Variants in RNF11 observed in about 807,000 individuals in gnomAD.
RNF11 encodes the protein ring finger protein 11.
RNF11 carries 4 observed loss-of-function variants against 15.8 expected under a neutral mutation model. That is an observed-to-expected ratio of 0.25 (90% confidence interval 0.12 to 0.58). The LOEUF is 0.58. Among genes scored for constraint, RNF11 ranks in the 20% least tolerant of loss-of-function variants. The pLI is 0.91. For missense variants in RNF11, 139 were observed against 194.4 expected, an observed-to-expected ratio of 0.71 and a Z score of 1.70; for synonymous variants, 68 against 72.3, an observed-to-expected ratio of 0.94 and a Z score of 0.30.
chr1:51,261,950 G>A (rs1241139073), intron 1 of RNF11, among the ~76,000 whole-genome samples: 3 of 152,178 alleles, frequency 2.0e-5, no homozygotes, highest in African/African-American at 7.2e-5. Flanking sequence ...CGTCTCTCCG[G>A]TTCAAGCGAT....
rs1458534006 is a variant in RNF11 at position 51,250,201 on chromosome 1, C to T, written c.123+13322C>T. 2.0e-5 allele frequency among the ~76,000 whole-genome samples: 3 copies of T among 152,032 alleles called. No homozygotes were observed. In the East Asian group the frequency reaches 5.8e-4, roughly 29 times the overall value. ...TAATTATATATACTTATGATGTACA[C>T]CATGGTGTTTTAATATATGTATACA... On this transcript the variant is annotated intron_variant, in intron 1 of 2. Coordinates refer to ENST00000242719, the MANE Select transcript of RNF11 (RefSeq NM_014372.5).
intron 1 of RNF11, among the ~76,000 whole-genome samples, chr1:51,262,715 C>CTTT (rs35542254): frequency 1.1e-3 from 95 of 84,084 alleles, no homozygotes; most frequent in African/African-American, 2.0e-3. Flanking sequence ...GCCTGCTAAT[C>CTTT]TTTTTTTTTT....
chr1:51,257,848 C>CTTTTTTTTTTTTTTTTTT (rs201557519), intron 1 of RNF11, among the ~76,000 whole-genome samples: 15 of 84,920 alleles, frequency 1.8e-4, no homozygotes, highest in East Asian at 3.7e-4. Flanking sequence ...CTTTTCTTTT[C>CTTTTTTTTTTTTTTTTTT]TTTTCTTTTT....
At chr1:51,254,183 G>T (rs1006430814) in intron 1 of RNF11, among the ~76,000 whole-genome samples, 63 of 152,272 alleles carry the variant, frequency 4.1e-4, no homozygotes, top group African/African-American at 1.5e-3. Flanking sequence ...ACATTCATGA[G>T]ATAATTCTGT....
In RNF11 at chr1:51,243,638, C is replaced by T. The variant is rs527478613; in HGVS notation, c.123+6759C>T. Among the ~76,000 whole-genome samples the T allele has an allele frequency of 2.0e-4, 30 of 152,188 alleles. 2 individuals carry two copies. In the South Asian group the frequency reaches 6.0e-3, roughly 30 times the overall value. Reference sequence around the variant, plus strand: ...ATTTTTAATAGAAATGGGGTTTCACCATATTGCTCAGGCTGGTGTGCAACT... The same window carrying T: ...ATTTTTAATAGAAATGGGGTTTCACTATATTGCTCAGGCTGGTGTGCAACT... On this transcript the variant is annotated intron_variant, in intron 1 of 2. Coordinates refer to ENST00000242719, the MANE Select transcript of RNF11 (RefSeq NM_014372.5).
At chr1:51,264,299 TATATATATATATATATATACACAC>T (rs1329081396) in intron 1 of RNF11, among the ~76,000 whole-genome samples, 3 of 94,822 alleles carry the variant, frequency 3.2e-5, no homozygotes, top group African/African-American at 1.6e-4. Flanking sequence ...TATATATATA[TATATATATATATATATATACACAC>T]ACACACACAC....
At chr1:51,244,626 G>A (rs550492646) in intron 1 of RNF11, among the ~76,000 whole-genome samples, 11 of 152,164 alleles carry the variant, frequency 7.2e-5, no homozygotes, top group South Asian at 2.1e-4. Context: ...CTCCTGCCTC[G>A]GCCTCCCAAA....
Position 51,236,685 on chromosome 1 carries a change from G to T in RNF11, c.-72G>T, listed in dbSNP as rs370367027. ...CCGACCCCACCTCGCCAACCGAGGC[G>T]GACCGCGGAGTGTGCGAACGACCCC... On this transcript the variant is annotated 5_prime_UTR_variant, in exon 1 of 3. Transcript: ENST00000242719. The T allele has an allele frequency of 1.5e-4, 237 of 1,589,232 alleles. No homozygotes were observed. The East Asian group carries it at 5.0e-3, about 34-fold the overall frequency.
chr1:51,237,472 A>G (rs1314430067), intron 1 of RNF11, among the ~76,000 whole-genome samples: 2 of 148,552 alleles, frequency 1.3e-5, no homozygotes, highest in Admixed American at 6.7e-5. Flanking sequence ...ATGTATATAA[A>G]TTTTAATCCC....
chr1:51,266,104 C>T (rs916498174), intron 1 of RNF11: 1 of 152,242 alleles, frequency 6.6e-6, no homozygotes. Context: ...TGCGTAAGGC[C>T]ACATACATAA....
chr1:51,273,214 T>C lies in RNF11; in HGVS notation c.*1892T>C, dbSNP rs1214106033. The C allele has an allele frequency of 6.6e-6, 1 of 152,336 alleles. No individual in the cohort carries two copies. Among genetic ancestry groups the C allele is most frequent in the East Asian group, 1.9e-4 (1 of 5,196 alleles). The allele number at this position is 152,336 out of a possible 1,614,324, so 9.4% of individuals were successfully genotyped here. A position where few individuals can be genotyped will look rare whatever the true frequency, so the allele number is the denominator to read the frequency against. On this transcript the variant is annotated 3_prime_UTR_variant, in exon 3 of 3. Transcript: ENST00000242719. ...GTATTATAGTCAGACTTTTCTTTTT[T>C]TCTAGATTGTTAAAATTGGCAAATG...
In RNF11 at chr1:51,236,636, T is replaced by C; in HGVS notation, c.-121T>C. The stretch of plus-strand genomic sequence containing the variant: ...GGCACCGTGGGGCGGTGGAGTCGCC[T>C]CCGCCTGATCCCCGGCCTGTCGCCC... On this transcript the variant is annotated 5_prime_UTR_variant, in exon 1 of 3. Coordinates refer to ENST00000242719, the MANE Select transcript of RNF11 (RefSeq NM_014372.5). 1 of 1,390,392 alleles carries C rather than the reference T, an allele frequency of 7.2e-7. No homozygotes were observed. The highest frequency in any genetic ancestry group is 1.3e-5 in the South Asian group (1 of 76,346). The allele number at this position is 1,390,392 out of a possible 1,614,324, so 86.1% of individuals were successfully genotyped here.
rs983549062 is a variant in RNF11 at position 51,268,204 on chromosome 1, T to C, written c.124-1752T>C. The stretch of plus-strand genomic sequence containing the variant: ...TCAAGCCATTTTAAAACAAGTATCA[T>C]GGGAATTAAAATTTAAAATTAGGCA... On this transcript the variant is annotated intron_variant, in intron 1 of 2. Coordinates refer to ENST00000242719, the MANE Select transcript of RNF11 (RefSeq NM_014372.5). 2.6e-5 allele frequency among the ~76,000 whole-genome samples: 4 copies of C among 152,282 alleles called. No individual in the cohort carries two copies. In the South Asian group the frequency reaches 8.3e-4, roughly 32 times the overall value.
At chr1:51,252,210 A>T (rs892352673) in intron 1 of RNF11, among the ~76,000 whole-genome samples, 1 of 151,966 alleles carries the variant, frequency 6.6e-6, no homozygotes, top group Non-Finnish European at 1.5e-5. Context: ...GCAATATGTT[A>T]TACATGTAAC....
chr1:51,252,773 GGTATT>G (rs912568270), intron 1 of RNF11, among the ~76,000 whole-genome samples: 2 of 151,134 alleles, frequency 1.3e-5, no homozygotes, highest in Admixed American at 6.6e-5. Flanking sequence ...TGGCCTTTCG[GGTATT>G]GTCTTTTGTG....
chr1:51,270,624 C>G (rs551340647), intron 2 of RNF11, among the ~76,000 whole-genome samples: 1 of 152,256 alleles, frequency 6.6e-6, no homozygotes, highest in African/African-American at 2.4e-5. Context: ...AGTAAGTAGG[C>G]TGAAGTTAGT....
intron 1 of RNF11, among the ~76,000 whole-genome samples, chr1:51,259,911 T>G (rs893393809): frequency 6.6e-6 from 1 of 152,204 alleles, no homozygotes; most frequent in African/African-American, 2.4e-5. Flanking sequence ...TCTTTGTGCT[T>G]TTAATTTTAT....
chr1:51,251,139 G>A (rs535892171), intron 1 of RNF11: 93 of 1,548,664 alleles, frequency 6.0e-5, no homozygotes, highest in African/African-American at 8.1e-5. Flanking sequence ...ACGGGTCTGC[G>A]TCTGCACTGG....
chr1:51,248,205 CTTTTT>C (rs71063020), intron 1 of RNF11, among the ~76,000 whole-genome samples: 1 of 113,340 alleles, frequency 8.8e-6, no homozygotes, highest in Admixed American at 1.0e-4. Context: ...TTTTCTTTTT[CTTTTT>C]TTTTTTTTTG....
Sources: allele counts gnomAD v4.1 joint callset (sites outside exome capture counted in the v4.1 genomes callset), GRCh38; gene constraint gnomAD v4.1.1; transcripts MANE v1.5; gene names NCBI Gene and HGNC (gene_info 2026-07-23, HGNC 2026-07-21).